RAB23: variants seen among roughly 807,000 people sequenced by gnomAD.
The protein encoded by RAB23 is ras-related protein Rab-23.
In RAB23, 15 loss-of-function variants were observed where a neutral mutation model predicts 30.0. The ratio of observed to expected loss-of-function variants is 0.50; its 90% confidence interval spans 0.33 to 0.77. RAB23 has a LOEUF of 0.77. Ranked by LOEUF, RAB23 falls within the 30% of genes least tolerant of loss-of-function variation. RAB23 has a pLI of 0.02. For synonymous variants in RAB23, 93 were observed against 94.0 expected (o/e 0.99, Z 0.06); for missense variants, 243 against 275.4 (o/e 0.88, Z 0.83).
intron 5 of RAB23, among the ~76,000 whole-genome samples, chr6:57,194,281 C>T (rs994651797): frequency 1.3e-5 from 2 of 151,874 alleles, no homozygotes; most frequent in Non-Finnish European, 2.9e-5. Context: ...CCAAAATAGA[C>T]ATCCAAGAGA....
At chr6:57,197,783 A>G (rs1165853804) in intron 3 of RAB23, among the ~76,000 whole-genome samples, 2 of 151,464 alleles carry the variant, frequency 1.3e-5, no homozygotes, top group East Asian at 3.9e-4. Context: ...CTGTTGCCCA[A>G]ACTGGAGTGC....
chr6:57,218,867 A>AC, intron 1 of RAB23, among the ~76,000 whole-genome samples: 1 of 151,920 alleles, frequency 6.6e-6, no homozygotes, highest in East Asian at 1.9e-4. Flanking sequence ...AAAAAAAAAA[A>AC]AGGAAAAAAA....
chr6:57,212,417 T>C (rs1271104603), intron 1 of RAB23, among the ~76,000 whole-genome samples: 2 of 152,180 alleles, frequency 1.3e-5, no homozygotes, highest in African/African-American at 4.8e-5. Context: ...TTCTCAGGCA[T>C]TTTCCCCAAT....
At chr6:57,200,063 A>G (rs1765187353) in intron 3 of RAB23, among the ~76,000 whole-genome samples, 1 of 152,128 alleles carries the variant, frequency 6.6e-6, no homozygotes, top group South Asian at 2.1e-4. Context: ...ACTTTGACTG[A>G]GGTACCAATA....
At position 57,210,219 on chromosome 6, in the gene RAB23, T is replaced by TA. The variant is rs761067059; in HGVS notation, c.155+6dup. ...AAGCCAAAGGAATAAAATGGCCAAG[T>TA]ACTTACTGAATTTGTCGCTCCAAAA... On this transcript the variant is annotated splice_region_variant and intron_variant, in intron 2 of 6. Transcript: ENST00000468148. 19 of 1,613,132 alleles carry TA rather than the reference T, an allele frequency of 1.2e-5. No homozygotes were observed. The highest frequency in any genetic ancestry group is 1.6e-5 in the Non-Finnish European group (19 of 1,179,108).
At chr6:57,199,247 T>C (rs1765144370) in intron 3 of RAB23, among the ~76,000 whole-genome samples, 2 of 151,950 alleles carry the variant, frequency 1.3e-5, no homozygotes, top group Non-Finnish European at 2.9e-5. Context: ...GTGATGCCTC[T>C]GGGTGGCGGG....
rs1405340439 is a variant in RAB23, at chr6:57,207,717, A to C, written c.156-4T>G. Reference sequence around the variant, plus strand: ...TCTGACATCTTCATCATTAACTCTAAAACAAGAGATGAATTTATTTCATAT... The same window carrying C: ...TCTGACATCTTCATCATTAACTCTACAACAAGAGATGAATTTATTTCATAT... On this transcript the variant is annotated splice_polypyrimidine_tract_variant and splice_region_variant and intron_variant, in intron 2 of 6. Coordinates refer to ENST00000468148, the MANE Select transcript of RAB23 (RefSeq NM_016277.5). 1 of 1,559,676 alleles carries C rather than the reference A, an allele frequency of 6.4e-7. No individual in the cohort carries two copies. Among genetic ancestry groups the C allele is most frequent in the African/African-American group, 1.4e-5 (1 of 73,744 alleles).
intron 6 of RAB23, 37 bp downstream of exon 6, chr6:57,193,805 C>A (rs952775536): frequency 3.7e-6 from 6 of 1,605,826 alleles, no homozygotes; most frequent in Non-Finnish European, 5.1e-6. Context: ...TTTAACTTTA[C>A]CAAGTAAACA....
At chr6:57,194,635 C>A (rs1410880816) in intron 5 of RAB23, 135 bp downstream of exon 5, 4 of 638,518 alleles carry the variant, frequency 6.3e-6, no homozygotes, top group South Asian at 2.1e-5. Flanking sequence ...AAGTAGAAAG[C>A]CTTTAAATTC....
At chr6:57,194,681 G>A (rs1052004529) in intron 5 of RAB23, 89 bp downstream of exon 5, 17 of 985,664 alleles carry the variant, frequency 1.7e-5, no homozygotes, top group African/African-American at 6.6e-5. Flanking sequence ...TCTTGTTCTC[G>A]TTATAAATAT....
At chr6:57,213,863 G>T (rs1765742905) in intron 1 of RAB23, among the ~76,000 whole-genome samples, 1 of 151,874 alleles carries the variant, frequency 6.6e-6, no homozygotes. Flanking sequence ...CCAGGAAAGG[G>T]GCAGCCTAGC....
chr6:57,213,095 T>C (rs1442200869), intron 1 of RAB23, among the ~76,000 whole-genome samples: 1 of 152,034 alleles, frequency 6.6e-6, no homozygotes, highest in Non-Finnish European at 1.5e-5. Context: ...TCATCAGGCA[T>C]TAGTTAGATT....
Position 57,219,354 on chromosome 6 carries a change from T to G in RAB23, c.-66+2372A>C, listed in dbSNP as rs1393516057. Among the ~76,000 whole-genome samples the G allele has an allele frequency of 2.6e-5, 4 of 152,180 alleles. 1 individual carries two copies. In the South Asian group the frequency reaches 6.2e-4, roughly 24 times the overall value. On this transcript the variant is annotated intron_variant, in intron 1 of 6. Coordinates refer to ENST00000468148, the MANE Select transcript of RAB23 (RefSeq NM_016277.5). Reference sequence around the variant, plus strand: ...AGACCTAAATAAATGGAAAGACATATCATGTTCATAGATTGGGAGACTCAA... The same window carrying G: ...AGACCTAAATAAATGGAAAGACATAGCATGTTCATAGATTGGGAGACTCAA...
chr6:57,212,696 C>T (rs997224243), intron 1 of RAB23, among the ~76,000 whole-genome samples: 1 of 149,360 alleles, frequency 6.7e-6, no homozygotes, highest in African/African-American at 2.5e-5. Flanking sequence ...AGCCTGGGCA[C>T]CATGTGAGTC....
At position 57,207,645 on chromosome 6, in the gene RAB23, G is replaced by T. The variant is rs535496318; in HGVS notation, c.224C>A (p.Thr75Lys). The T allele has an allele frequency of 6.3e-7, 1 of 1,599,618 alleles. No individual in the cohort carries two copies. Among genetic ancestry groups the T allele is most frequent in the Non-Finnish European group, 8.6e-7 (1 of 1,167,028 alleles). Reference protein sequence around the residue: ...TAGQEEFDAITKAYYRGAQAC... With the variant: ...TAGQEEFDAIKKAYYRGAQAC... ...TGTTTTACCTCGATAGTAGGCCTTT[G>T]TAATTGCATCAAATTCCTCCTGACC... Residue 75 changes from threonine (T) to lysine (K), a missense_variant, in exon 3 of 7, where the codon ACA becomes AAA. Coordinates refer to ENST00000468148, the MANE Select transcript of RAB23 (RefSeq NM_016277.5).
At position 57,189,120 on chromosome 6, in the gene RAB23, T is replaced by TATC. The variant is rs1764731691; in HGVS notation, c.*1338_*1340dup. The TATC allele has an allele frequency of 6.6e-6, 1 of 152,312 alleles. No homozygotes were observed. Among genetic ancestry groups the TATC allele is most frequent in the South Asian group, 2.1e-4 (1 of 4,824 alleles). The allele number at this position is 152,312 out of a possible 1,614,324, so 9.4% of individuals were successfully genotyped here. On this transcript the variant is annotated 3_prime_UTR_variant, in exon 7 of 7. Transcript: ENST00000468148. ...TCAGTTTTAACAGAGTTCACGCAAT[T>TATC]ATCTTAGCTGGAAAGCTACTGTCCC...
At position 57,200,681 on chromosome 6, in the gene RAB23, G is replaced by A. The variant is rs566840980; in HGVS notation, c.242-4075C>T. Among the ~76,000 whole-genome samples the A allele has an allele frequency of 2.4e-4, 36 of 151,982 alleles. 1 individual carries two copies. The South Asian group carries it at 3.7e-3, about 16-fold the overall frequency. On this transcript the variant is annotated intron_variant, in intron 3 of 6. Transcript: ENST00000468148. The stretch of plus-strand genomic sequence containing the variant: ...AACCTTAAAGAATGGATGCTGACAA[G>A]ACCAATTTAGGAAGCTGTTACGTAT...
intron 1 of RAB23, among the ~76,000 whole-genome samples, chr6:57,216,444 A>T (rs1765838877): frequency 6.6e-6 from 1 of 152,240 alleles, no homozygotes; most frequent in Non-Finnish European, 1.5e-5. Context: ...TCTATACAAC[A>T]GCACAATATA....
intron 3 of RAB23, among the ~76,000 whole-genome samples, chr6:57,201,400 G>A (rs961190148): frequency 6.6e-6 from 1 of 152,158 alleles, no homozygotes; most frequent in African/African-American, 2.4e-5. Context: ...CAGGTGAGAG[G>A]TGACCTCCAT....
Sources: gnomAD v4.1 joint callset for allele counts (sites outside exome capture counted in the v4.1 genomes callset) on GRCh38, gnomAD v4.1.1 for gene constraint, MANE v1.5 for transcripts, NCBI Gene and HGNC (gene_info 2026-07-23, HGNC 2026-07-21) for gene names.